The following CSMD1 variants were observed in gnomAD, a reference collection of about 807,000 sequenced individuals.
CSMD1 encodes the protein CUB and Sushi multiple domains 1, also known as CUB and sushi domain-containing protein 1.
CSMD1 carries 213 observed loss-of-function variants against 417.5 expected under a neutral mutation model. The observed-to-expected ratio is 0.51, with a 90% confidence interval of 0.46 to 0.57. The LOEUF (loss-of-function observed/expected upper bound fraction) is 0.57, where lower values mean the gene tolerates loss of function less well. Ranked by LOEUF, CSMD1 falls within the 20% of genes least tolerant of loss-of-function variation. CSMD1 has a pLI of 0.00. For synonymous variants in CSMD1, 2,862 were observed against 1,736.8 expected (o/e 1.65, Z -16.11); for missense variants, 6,923 against 4,529.7 (o/e 1.53, Z -15.17).
intron 56 of CSMD1, 81 bp from the exon 57 acceptor site, chr8:2,973,380 A>C: frequency 7.2e-7 from 1 of 1,392,910 alleles, no homozygotes. Flanking sequence ...AAAGATAATG[A>C]AAAGTTGTTG....
chr8:3,970,762 T>A (rs549758425), intron 5 of CSMD1, among the ~76,000 whole-genome samples: 45 of 152,268 alleles, frequency 3.0e-4, no homozygotes, highest in Admixed American at 5.9e-4. Context: ...GTTTTTTTGT[T>A]TTTGTTTTTG....
intron 7 of CSMD1, among the ~76,000 whole-genome samples, chr8:3,682,943 AG>A (rs1320072082): frequency 2.0e-5 from 3 of 152,184 alleles, no homozygotes; most frequent in Admixed American, 6.5e-5. Context: ...ATCTATCGCA[AG>A]GACCAAAAAC....
intron 26 of CSMD1, among the ~76,000 whole-genome samples, chr8:3,235,886 CGA>C (rs1030709644): frequency 7.4e-5 from 11 of 148,494 alleles, no homozygotes; most frequent in African/African-American, 2.5e-4. Flanking sequence ...ATAATTAGCT[CGA>C]GTTTATGCCA....
intron 5 of CSMD1, among the ~76,000 whole-genome samples, chr8:3,766,873 T>C (rs1433515609): frequency 6.6e-6 from 1 of 152,180 alleles, no homozygotes; most frequent in African/African-American, 2.4e-5. Flanking sequence ...GCAAATTTCT[T>C]ATATCACTTG....
chr8:4,701,511 A>G (rs1390959008), intron 1 of CSMD1, among the ~76,000 whole-genome samples: 1 of 151,968 alleles, frequency 6.6e-6, no homozygotes, highest in Non-Finnish European at 1.5e-5. Context: ...GCCGCCTCCC[A>G]GAGGGACTGG....
chr8:3,950,697 G>A (rs1811542877), intron 5 of CSMD1, among the ~76,000 whole-genome samples: 1 of 152,114 alleles, frequency 6.6e-6, no homozygotes, highest in South Asian at 2.1e-4. Flanking sequence ...GCATTATGGA[G>A]CACAGGATAA....
At chr8:3,165,060 T>C (rs1446977992) in intron 37 of CSMD1, among the ~76,000 whole-genome samples, 1 of 151,892 alleles carries the variant, frequency 6.6e-6, no homozygotes, top group Admixed American at 6.6e-5. Context: ...AAAAATACCA[T>C]TTTGACCGGT....
At chr8:4,576,153 C>G (rs1166947971) in intron 2 of CSMD1, among the ~76,000 whole-genome samples, 1 of 152,356 alleles carries the variant, frequency 6.6e-6, no homozygotes, top group Non-Finnish European at 1.5e-5. Flanking sequence ...AGAAAGTATG[C>G]AGGACTGTCG....
intron 7 of CSMD1, among the ~76,000 whole-genome samples, chr8:3,639,942 A>G (rs891208883): frequency 2.6e-5 from 4 of 152,206 alleles, no homozygotes; most frequent in African/African-American, 9.7e-5. Flanking sequence ...ATAAGAAGAG[A>G]AAATATTTAT....
intron 3 of CSMD1, among the ~76,000 whole-genome samples, chr8:4,066,576 A>G (rs989773356): frequency 1.1e-4 from 16 of 152,334 alleles, no homozygotes; most frequent in African/African-American, 3.6e-4. Context: ...TGATGTGGTA[A>G]TTGTAGTTCA....
chr8:4,393,752 C>A (rs913299496), intron 3 of CSMD1, among the ~76,000 whole-genome samples: 4 of 152,190 alleles, frequency 2.6e-5, no homozygotes, highest in African/African-American at 9.7e-5. Context: ...TTCAGACATT[C>A]ATTGCCTTAA....
intron 1 of CSMD1, among the ~76,000 whole-genome samples, chr8:4,782,772 A>G (rs1797216783): frequency 6.6e-6 from 1 of 152,174 alleles, no homozygotes; most frequent in South Asian, 2.1e-4. Context: ...CTAGTTAGTA[A>G]TAGTTTCCAA....
intron 9 of CSMD1, among the ~76,000 whole-genome samples, chr8:3,584,842 A>C (rs1055305647): frequency 1.3e-5 from 2 of 152,130 alleles, no homozygotes; most frequent in East Asian, 3.9e-4. Flanking sequence ...CTCCTGTATA[A>C]TTGGGAGGCT....
At chr8:3,309,181 C>T (rs577321191) in intron 23 of CSMD1, among the ~76,000 whole-genome samples, 2 of 152,286 alleles carry the variant, frequency 1.3e-5, no homozygotes, top group South Asian at 4.1e-4. Flanking sequence ...CCTAGACCTC[C>T]AAGGAAGAGG....
rs371429002 is a variant in CSMD1 at position 4,349,363 on chromosome 8, A to C, written c.415+70590T>G. 6.6e-5 allele frequency among the ~76,000 whole-genome samples: 10 copies of C among 152,140 alleles called. 1 individual carries two copies. Among genetic ancestry groups the C allele is most frequent in the Non-Finnish European group, 5.9e-5 (4 of 68,018 alleles). On this transcript the variant is annotated intron_variant, in intron 3 of 69. Coordinates refer to ENST00000635120, the MANE Select transcript of CSMD1 (RefSeq NM_033225.6). ...AGATGTAGGTGTTATCGTATTTTAC[A>C]TTTTTCTTAAAGCATCCTTTTGTGG...
chr8:4,255,750 A>T (rs952712718), intron 3 of CSMD1, among the ~76,000 whole-genome samples: 3 of 152,206 alleles, frequency 2.0e-5, no homozygotes, highest in Non-Finnish European at 4.4e-5. Flanking sequence ...ACTTAAACAA[A>T]AGTTCTAAAA....
At chr8:3,671,118 T>C (rs540390489) in intron 7 of CSMD1, among the ~76,000 whole-genome samples, 1 of 146,936 alleles carries the variant, frequency 6.8e-6, no homozygotes, top group Admixed American at 6.9e-5. Context: ...TATATGTATA[T>C]GGGATATATA....
In CSMD1 at chr8:3,722,253, A is replaced by G. The variant is rs533777629; in HGVS notation, c.932-13762T>C. 2.8e-4 allele frequency among the ~76,000 whole-genome samples: 42 copies of G among 152,262 alleles called. 1 individual carries two copies. The South Asian group carries it at 7.3e-3, about 26-fold the overall frequency. On this transcript the variant is annotated intron_variant, in intron 6 of 69. Transcript: ENST00000635120. ...GACCAGGGAGGCAGAGATTGCAGTG[A>G]GTCGAGATCACACCACTGCACTCCA...
intron 5 of CSMD1, among the ~76,000 whole-genome samples, chr8:3,862,483 C>G (rs779750123): frequency 2.0e-5 from 3 of 152,190 alleles, no homozygotes; most frequent in Non-Finnish European, 4.4e-5. Flanking sequence ...TTCGCCAGAA[C>G]TCAAAGTTCG....
Sources: gnomAD v4.1 joint callset for allele counts (sites outside exome capture counted in the v4.1 genomes callset) on GRCh38, gnomAD v4.1.1 for gene constraint, MANE v1.5 for transcripts, NCBI Gene and HGNC (gene_info 2026-07-23, HGNC 2026-07-21) for gene names.